The following KCNIP4 variants were observed in gnomAD, a reference collection of about 807,000 sequenced individuals.
The protein encoded by KCNIP4 is Kv channel-interacting protein 4.
A neutral mutation model predicts 34.0 loss-of-function variants in KCNIP4; 12 were observed. The ratio of observed to expected loss-of-function variants is 0.35; its 90% CI spans 0.23 to 0.57. KCNIP4 has a LOEUF of 0.57. Ranked by LOEUF, KCNIP4 falls within the 20% of genes least tolerant of loss-of-function variation. The pLI is 0.83. For synonymous variants in KCNIP4, 124 were observed against 102.2 expected, an observed-to-expected ratio of 1.21 and a Z score of -1.29; for missense variants, 238 against 311.7, an observed-to-expected ratio of 0.76 and a Z score of 1.78.
At chr4:21,248,060 A>ATATGTGTG (rs1553845887) in intron 1 of KCNIP4, among the ~76,000 whole-genome samples, 4 of 145,286 alleles carry the variant, frequency 2.8e-5, no homozygotes, top group South Asian at 2.2e-4. Context: ...ATATATATAT[A>ATATGTGTG]TGTGTGTGTG....
intron 1 of KCNIP4, among the ~76,000 whole-genome samples, chr4:21,259,714 A>T (rs9999019): frequency 0.27 from 41,250 of 152,114 alleles, 9,621 homozygotes; most frequent in African/African-American, 0.63. Flanking sequence ...CATGTAAACA[A>T]ATAAGGCATT....
At position 21,559,648 on chromosome 4, in the gene KCNIP4, G is replaced by T. The variant is rs116349845; in HGVS notation, c.61+388923C>A. Among the ~76,000 whole-genome samples, 1,056 of 152,140 alleles carry T rather than the reference G, an allele frequency of 6.9e-3. 15 individuals are homozygous for T. The highest frequency in any genetic ancestry group is 0.024 in the African/African-American group (998 of 41,522). On this transcript the variant is annotated intron_variant, in intron 1 of 8. Coordinates refer to ENST00000382152, the MANE Select transcript of KCNIP4 (RefSeq NM_025221.6). ...TTCAGAGAAAAGGTGGTAACTTATG[G>T]GGTCTTGAAGGAAGAAAATGATTAA...
chr4:21,008,084 A>G (rs749050800), intron 1 of KCNIP4, among the ~76,000 whole-genome samples: 1 of 152,254 alleles, frequency 6.6e-6, no homozygotes, highest in Non-Finnish European at 1.5e-5. Flanking sequence ...TGTTTCCACC[A>G]GGCAATACTG....
In KCNIP4 at chr4:21,656,102, G is replaced by A. The variant is rs971798923; in HGVS notation, c.61+292469C>T. ...CAGGAAGTCCAAGATCAAAGCATCA[G>A]CAGGGTTAATTTCTTCTGAGAGTAG... On this transcript the variant is annotated intron_variant, in intron 1 of 8. Transcript: ENST00000382152. Among the ~76,000 whole-genome samples, 19 of 152,150 alleles carry A rather than the reference G, an allele frequency of 1.2e-4. 1 individual carries two copies. Among genetic ancestry groups the A allele is most frequent in the African/African-American group, 4.3e-4 (18 of 41,432 alleles).
At chr4:20,734,014 A>G (rs1029808527) in intron 6 of KCNIP4, among the ~76,000 whole-genome samples, 1 of 152,190 alleles carries the variant, frequency 6.6e-6, no homozygotes, top group Non-Finnish European at 1.5e-5. Context: ...GAGACAGGAC[A>G]TAGGCACACT....
At chr4:21,876,180 C>T (rs779652639) in intron 1 of KCNIP4, among the ~76,000 whole-genome samples, 5 of 151,956 alleles carry the variant, frequency 3.3e-5, no homozygotes, top group Admixed American at 6.6e-5. Context: ...TCACTATGAA[C>T]GTATTAACTA....
intron 1 of KCNIP4, among the ~76,000 whole-genome samples, chr4:21,407,053 C>T (rs564928337): frequency 6.6e-6 from 1 of 152,286 alleles, no homozygotes; most frequent in African/African-American, 2.4e-5. Context: ...CAAAGTTCAA[C>T]ATAGACCTTA....
At chr4:21,146,778 C>G (rs944379224) in intron 1 of KCNIP4, among the ~76,000 whole-genome samples, 4 of 152,028 alleles carry the variant, frequency 2.6e-5, no homozygotes, top group Non-Finnish European at 4.4e-5. Flanking sequence ...TTGAACATAC[C>G]TTTATGTTCA....
intron 3 of KCNIP4, among the ~76,000 whole-genome samples, chr4:20,828,929 A>G (rs564812906): frequency 3.6e-4 from 55 of 152,322 alleles, no homozygotes; most frequent in African/African-American, 1.2e-3. Context: ...AAAATACCCT[A>G]AAGAAAGTGT....
At chr4:20,922,539 G>GTCTATCTATCTATCTA (rs1231904232) in intron 1 of KCNIP4, among the ~76,000 whole-genome samples, 9 of 88,084 alleles carry the variant, frequency 1.0e-4, no homozygotes, top group Non-Finnish European at 7.0e-5. Flanking sequence ...CTGTCTGTCT[G>GTCTATCTATCTATCTA]TCTGTCTGTC....
intron 1 of KCNIP4, among the ~76,000 whole-genome samples, chr4:21,614,879 G>A (rs959364394): frequency 3.3e-5 from 5 of 152,082 alleles, no homozygotes; most frequent in Non-Finnish European, 7.4e-5. Flanking sequence ...TTCATGGAGG[G>A]ATCTTAAAGG....
chr4:21,659,062 T>G lies in KCNIP4; in HGVS notation c.61+289509A>C, dbSNP rs1026704976. On this transcript the variant is annotated intron_variant, in intron 1 of 8. Coordinates refer to ENST00000382152, the MANE Select transcript of KCNIP4 (RefSeq NM_025221.6). ...GTTTAAAAAGTAGACCATTGATTAT[T>G]AGATCAGCCACCTGTAGAAAATATG... 2.6e-5 allele frequency among the ~76,000 whole-genome samples: 4 copies of G among 152,206 alleles called. No individual in the cohort carries two copies. In the East Asian group the frequency reaches 7.7e-4, roughly 29 times the overall value.
At chr4:21,755,896 G>A (rs1271146330) in intron 1 of KCNIP4, among the ~76,000 whole-genome samples, 2 of 152,108 alleles carry the variant, frequency 1.3e-5, no homozygotes, top group Non-Finnish European at 2.9e-5. Context: ...ATCTTTTCTT[G>A]TGTTATGGTT....
chr4:20,849,549 T>A (rs955814866), intron 3 of KCNIP4, among the ~76,000 whole-genome samples: 1 of 152,088 alleles, frequency 6.6e-6, no homozygotes, highest in African/African-American at 2.4e-5. Flanking sequence ...GTTGTGGTGG[T>A]CAGATGTGAA....
intron 1 of KCNIP4, among the ~76,000 whole-genome samples, chr4:21,333,286 T>C (rs6841116): frequency 0.73 from 110,578 of 151,642 alleles, 41,023 homozygotes; most frequent in African/African-American, 0.88. Context: ...CTGCCTCCCT[T>C]GTAAGTCTTT....
At chr4:20,974,661 T>C (rs1304406607) in intron 1 of KCNIP4, among the ~76,000 whole-genome samples, 1 of 152,140 alleles carries the variant, frequency 6.6e-6, no homozygotes, top group Non-Finnish European at 1.5e-5. Context: ...ACTTTCTAAA[T>C]AGGATTGGTC....
chr4:21,836,352 A>G (rs570331526), intron 1 of KCNIP4, among the ~76,000 whole-genome samples: 3 of 152,306 alleles, frequency 2.0e-5, no homozygotes, highest in Non-Finnish European at 2.9e-5. Context: ...TAGAAAGCCT[A>G]GAAAGGAGAT....
intron 1 of KCNIP4, among the ~76,000 whole-genome samples, chr4:20,933,498 C>G (rs1054788719): frequency 6.6e-6 from 1 of 151,922 alleles, no homozygotes; most frequent in Non-Finnish European, 1.5e-5. Context: ...GAAGGCTTTC[C>G]AAAGGGGTAA....
chr4:21,466,264 A>AGT (rs1197004399), intron 1 of KCNIP4, among the ~76,000 whole-genome samples: 25 of 152,218 alleles, frequency 1.6e-4, no homozygotes, highest in African/African-American at 5.1e-4. Flanking sequence ...TCTAACCCAC[A>AGT]ATGTTTATAG....
Sources: allele counts gnomAD v4.1 joint callset (sites outside exome capture counted in the v4.1 genomes callset), GRCh38; gene constraint gnomAD v4.1.1; transcripts MANE v1.5; gene names NCBI Gene and HGNC (gene_info 2026-07-23, HGNC 2026-07-21).